The following TRPV3 variants were observed in gnomAD, a reference collection of about 807,000 sequenced individuals.
TRPV3 encodes the protein transient receptor potential cation channel subfamily V member 3.
TRPV3 carries 88 observed loss-of-function variants against 87.1 expected under a neutral mutation model. That is an observed-to-expected ratio of 1.01 (90% CI 0.85 to 1.21). The LOEUF is 1.21. Among genes scored for constraint, TRPV3 ranks in the 50% most tolerant of loss-of-function variants. TRPV3 has a pLI of 0.00. For missense variants in TRPV3, 1,054 were observed against 1,030.1 expected (o/e 1.02, Z -0.32); for synonymous variants, 438 against 423.3 (o/e 1.03, Z -0.43).
At chr17:3,546,825 G>A in intron 2 of TRPV3, 1 of 358,270 alleles carries the variant, frequency 2.8e-6, no homozygotes, top group South Asian at 2.1e-5. Flanking sequence ...AAAATTAGCT[G>A]GGTGTGGTGG....
chr17:3,544,724 A>T (rs925646492), intron 3 of TRPV3, 59 bp from the exon 4 acceptor site: 11 of 1,291,612 alleles, frequency 8.5e-6, no homozygotes, highest in African/African-American at 2.9e-5. Context: ...GGGCCGGGTG[A>T]GGTGGCTCAT....
chr17:3,541,208 A>G (rs1336433326), intron 6 of TRPV3, among the ~76,000 whole-genome samples: 1 of 152,078 alleles, frequency 6.6e-6, no homozygotes, highest in African/African-American at 2.4e-5. Flanking sequence ...TCTACTAAAA[A>G]TCCAAAAAAA....
At chr17:3,529,336 C>T (rs1260094074) in intron 9 of TRPV3, among the ~76,000 whole-genome samples, 1 of 151,934 alleles carries the variant, frequency 6.6e-6, no homozygotes, top group Non-Finnish European at 1.5e-5. Context: ...CAGACCCTGA[C>T]CCTCTCTGGG....
At chr17:3,551,870 C>CATTTTT (rs2074578115) in intron 2 of TRPV3, among the ~76,000 whole-genome samples, 1 of 43,360 alleles carries the variant, frequency 2.3e-5, no homozygotes, top group Non-Finnish European at 4.2e-5. Flanking sequence ...GTAATTTATT[C>CATTTTT]TTTTTTTTTT....
intron 2 of TRPV3, among the ~76,000 whole-genome samples, chr17:3,551,388 C>A (rs1408804268): frequency 6.6e-6 from 1 of 152,260 alleles, no homozygotes; most frequent in Non-Finnish European, 1.5e-5. Context: ...AAGGCCTTGG[C>A]CCAGTGACAC....
chr17:3,554,797 G>A lies in TRPV3; in HGVS notation c.54C>T (p.Ala18=), dbSNP rs766903014. The A allele has an allele frequency of 2.6e-5, 42 of 1,612,704 alleles. No homozygotes were observed. Among genetic ancestry groups the A allele is most frequent in the Admixed American group, 5.0e-5 (3 of 59,838 alleles). Residue 18 remains alanine (A), a synonymous_variant, in exon 2 of 18, where the codon GCC becomes GCT. Transcript: ENST00000576742. ...GCAGGATGGCAGGGTTCCCACTGGGGGCAGCAACTCTCTTGCCCATGAGAG... is the reference window on the plus strand; with the variant it reads ...GCAGGATGGCAGGGTTCCCACTGGGAGCAGCAACTCTCTTGCCCATGAGAG... The part of the protein sequence containing the change: ...MVPLMGKRVA[A]PSGNPAILPE...
chr17:3,533,792 C>G (rs1279489069), intron 7 of TRPV3, among the ~76,000 whole-genome samples: 1 of 152,112 alleles, frequency 6.6e-6, no homozygotes, highest in Non-Finnish European at 1.5e-5. Context: ...TCACTGCACT[C>G]GGTCTACTTT....
Position 3,535,693 on chromosome 17 carries a change from C to G in TRPV3, c.664G>C (p.Ala222Pro). The G allele has an allele frequency of 3.2e-6, 5 of 1,572,274 alleles. No homozygotes were observed. The highest frequency in any genetic ancestry group is 4.3e-6 in the Non-Finnish European group (5 of 1,161,718). The change falls in exon 7 of 18, where the codon GCC becomes CCC. Residue 222 changes from alanine (A) to proline (P), a missense_variant. By Grantham distance (27) the Ala-to-Pro change is conservative (BLOSUM62 -1). Coordinates refer to ENST00000576742, the MANE Select transcript of TRPV3 (RefSeq NM_145068.4). ...AYEGQTALNI[A>P]IERRQGDIAA... Reference sequence around the variant, plus strand: ...ATGTCCCCCTGCCGCCGCTCGATGGCGATGTTCAGCGCCGTCTGCCCTGCG... The same window carrying G: ...ATGTCCCCCTGCCGCCGCTCGATGGGGATGTTCAGCGCCGTCTGCCCTGCG...
chr17:3,541,991 G>T (rs1271089490), intron 6 of TRPV3, among the ~76,000 whole-genome samples: 1 of 151,922 alleles, frequency 6.6e-6, no homozygotes, highest in African/African-American at 2.4e-5. Flanking sequence ...ATGGAGTCCC[G>T]CTCTGTCACT....
At chr17:3,524,162 C>T in intron 13 of TRPV3, 36 bp downstream of exon 13, 1 of 1,607,220 alleles carries the variant, frequency 6.2e-7, no homozygotes, top group Non-Finnish European at 8.5e-7. Context: ...TGGCCATCCT[C>T]CGAGGGCCCT....
At chr17:3,553,967 G>A (rs1179720819) in intron 2 of TRPV3, 2 of 152,484 alleles carry the variant, frequency 1.3e-5, no homozygotes, top group African/African-American at 2.4e-5. Flanking sequence ...GGCACCCAAT[G>A]AGCTGGGGGT....
rs422159 is a variant in TRPV3, at chr17:3,545,428, G to A, written c.120-157C>T. Reference sequence around the variant, plus strand: ...TTGCCCAGCCCTCCCGGGAGCCCTCGGAGATGGACACTGTCATTATCACCT... The same window carrying A: ...TTGCCCAGCCCTCCCGGGAGCCCTCAGAGATGGACACTGTCATTATCACCT... On this transcript the variant is annotated intron_variant, in intron 2 of 17. Coordinates refer to ENST00000576742, the MANE Select transcript of TRPV3 (RefSeq NM_145068.4). 0.3 allele frequency among the ~76,000 whole-genome samples: 45,569 copies of A among 152,130 alleles called. 7,453 individuals are homozygous for A. The highest frequency in any genetic ancestry group is 0.4 in the Middle Eastern group (118 of 294).
At chr17:3,535,382 T>C in intron 7 of TRPV3, among the ~76,000 whole-genome samples, 191 bp downstream of exon 7, 1 of 92,922 alleles carries the variant, frequency 1.1e-5, no homozygotes, top group African/African-American at 4.1e-5. Flanking sequence ...GCTTCCTTCC[T>C]CCCTCCTCCC....
At chr17:3,541,672 C>T (rs935035565) in intron 6 of TRPV3, among the ~76,000 whole-genome samples, 1 of 152,174 alleles carries the variant, frequency 6.6e-6, no homozygotes, top group African/African-American at 2.4e-5. Flanking sequence ...TGACAACAGT[C>T]GACTTTTGGT....
intron 6 of TRPV3, among the ~76,000 whole-genome samples, chr17:3,538,085 C>G (rs993298060): frequency 1.3e-5 from 2 of 151,354 alleles, no homozygotes; most frequent in African/African-American, 2.4e-5. Context: ...GTAGTCCCAG[C>G]TACTCGGGAG....
In TRPV3 at chr17:3,536,300, G is replaced by A. The variant is rs371632744; in HGVS notation, c.644-587C>T. Among the ~76,000 whole-genome samples, 140 of 152,336 alleles carry A rather than the reference G, an allele frequency of 9.2e-4. 2 individuals are homozygous for A. The South Asian group carries it at 0.027, about 29-fold the overall frequency. On this transcript the variant is annotated intron_variant, in intron 6 of 17. Coordinates refer to ENST00000576742, the MANE Select transcript of TRPV3 (RefSeq NM_145068.4). Reference sequence around the variant, plus strand: ...AAAAGTGGAGGATGCGTTAGAAGCAGCCGAGACCAGTGAAGGAAATGATGA... The same window carrying A: ...AAAAGTGGAGGATGCGTTAGAAGCAACCGAGACCAGTGAAGGAAATGATGA...
At position 3,557,301 on chromosome 17, in the gene TRPV3, C is replaced by G. The variant is rs2074641829; in HGVS notation, c.-3+375G>C. 6.6e-6 allele frequency among the ~76,000 whole-genome samples: 1 copy of G among 152,138 alleles called. No homozygotes were observed. The highest frequency in any genetic ancestry group is 1.5e-5 in the Non-Finnish European group (1 of 68,008). ...CTCCCACGGTGGGGCCACCTCCTCCCATCCTGAACTCCCATCACAATCCTG... is the reference window on the plus strand; with the variant it reads ...CTCCCACGGTGGGGCCACCTCCTCCGATCCTGAACTCCCATCACAATCCTG... On this transcript the variant is annotated intron_variant, in intron 1 of 17. Coordinates refer to ENST00000576742, the MANE Select transcript of TRPV3 (RefSeq NM_145068.4). The surrounding 1 kb of genome is among the most constrained non-coding windows in gnomAD (Gnocchi z 4.5).
In TRPV3 at chr17:3,544,594, T is replaced by G; in HGVS notation, c.296A>C (p.Asn99Thr). The change falls in exon 4 of 18, where the codon AAT (asparagine) becomes ACT (threonine). Residue 99 changes from asparagine (N) to threonine (T), a missense_variant. By Grantham distance (65) the Asn-to-Thr change is moderately conservative (BLOSUM62 0). Coordinates refer to ENST00000576742, the MANE Select transcript of TRPV3 (RefSeq NM_145068.4). ...PQDDVTETPS[N>T]PNSPSAQLAK... ...GCAGACTTACCTGGGGCTGTTGGGA[T>G]TGGATGGGGTCTCTGTCACATCATC... The G allele has an allele frequency of 1.9e-6, 3 of 1,605,058 alleles. No homozygotes were observed. The highest frequency in any genetic ancestry group is 1.7e-5 in the Admixed American group (1 of 59,170).
chr17:3,530,929 G>A lies in TRPV3; in HGVS notation c.1066-726C>T, dbSNP rs562821712. ...AAATTAGCTGGGTGTGGTGGCAGGC[G>A]CCTGTAACCCCAGCTACTCAGGAGG... On this transcript the variant is annotated intron_variant, in intron 8 of 17. Coordinates refer to ENST00000576742, the MANE Select transcript of TRPV3 (RefSeq NM_145068.4). This position sits in a 1 kb window ranked among gnomAD's most constrained non-coding sequence, Gnocchi z 4.0. Among the ~76,000 whole-genome samples, 27 of 152,084 alleles carry A rather than the reference G, an allele frequency of 1.8e-4. No individual in the cohort carries two copies. In the East Asian group the frequency reaches 3.1e-3, roughly 17 times the overall value.
Sources: gnomAD v4.1 joint callset for allele counts (sites outside exome capture counted in the v4.1 genomes callset) on GRCh38, gnomAD v4.1.1 for gene constraint, Gnocchi (gnomAD v3.1) non-coding constraint, MANE v1.5 for transcripts, NCBI Gene and HGNC (gene_info 2026-07-23, HGNC 2026-07-21) for gene names.